Variants in STEAP3 observed in about 807,000 individuals in gnomAD.
STEAP3 encodes metalloreductase STEAP3.
STEAP3 carries 35 observed loss-of-function variants against 34.9 expected under a neutral mutation model. The ratio of observed to expected loss-of-function variants is 1.00; its 90% confidence interval spans 0.76 to 1.33. The LOEUF is 1.33. Ranked by LOEUF, STEAP3 falls within the 40% of genes most tolerant of loss-of-function variation. The probability of loss-of-function intolerance (pLI) is 0.00; values close to 1 mark genes in which losing one functional copy is unlikely to be tolerated. For synonymous variants in STEAP3, 281 were observed against 301.6 expected (o/e 0.93, Z 0.71); for missense variants, 652 against 667.6 (o/e 0.98, Z 0.26).
chr2:119,249,784 C>T (rs541199972), intron 4 of STEAP3, among the ~76,000 whole-genome samples: 5 of 152,290 alleles, frequency 3.3e-5, no homozygotes, highest in South Asian at 4.1e-4. Context: ...CCACAGATAC[C>T]GGCATCATTG....
chr2:119,246,879 A>G (rs1022812644), intron 3 of STEAP3: 1 of 152,166 alleles, frequency 6.6e-6, no homozygotes, highest in African/African-American at 2.4e-5. Flanking sequence ...CTGAGGGAAC[A>G]ATCTGAAAAG....
In STEAP3 at chr2:119,263,228, T is replaced by C; in HGVS notation, c.1387T>C (p.Cys463Arg). 1.2e-6 allele frequency: 2 copies of C among 1,614,102 alleles called. No individual in the cohort carries two copies. The highest frequency in any genetic ancestry group is 1.7e-6 in the Non-Finnish European group (2 of 1,180,032). Residue 463 changes from cysteine to arginine, a missense_variant, in exon 6 of 6, where the codon TGC (cysteine) becomes CGC (arginine). By Grantham distance (180) the Cys-to-Arg change is radical. Transcript: ENST00000393110. ...ILAKALFLLP[C>R]ISRRLARIRR... ...GGCCAAAGCCCTGTTTCTCCTGCCC[T>C]GCATCAGCCGCAGACTCGCCAGGAT...
At chr2:119,257,125 T>C (rs907343953) in intron 5 of STEAP3, among the ~76,000 whole-genome samples, 4 of 152,122 alleles carry the variant, frequency 2.6e-5, no homozygotes, top group African/African-American at 9.7e-5. Flanking sequence ...TGCAATTGAT[T>C]CCATGGATCA....
chr2:119,226,391 G>A (rs756608297), intron 1 of STEAP3, among the ~76,000 whole-genome samples: 12 of 152,198 alleles, frequency 7.9e-5, no homozygotes, highest in Non-Finnish European at 1.6e-4. Context: ...CCAGGGAGTT[G>A]CCTCTTGATT....
intron 1 of STEAP3, among the ~76,000 whole-genome samples, chr2:119,228,262 A>G (rs1209961660): frequency 6.6e-6 from 1 of 152,028 alleles, no homozygotes; most frequent in East Asian, 1.9e-4. Flanking sequence ...CTGAAGGTGA[A>G]CTCTGGGTGC....
chr2:119,262,947 T>G (rs1314508202), intron 5 of STEAP3, 110 bp from the exon 6 acceptor site: 2 of 1,465,036 alleles, frequency 1.4e-6, no homozygotes, highest in African/African-American at 2.8e-5. Flanking sequence ...TAGCGGTGAG[T>G]ACTAAAGCCA....
intron 4 of STEAP3, among the ~76,000 whole-genome samples, chr2:119,253,024 G>A (rs1677671229): frequency 6.6e-6 from 1 of 152,240 alleles, no homozygotes; most frequent in South Asian, 2.1e-4. Flanking sequence ...CTCAATTCAT[G>A]CTGTGAGGTG....
chr2:119,234,291 A>G (rs1417331746), intron 2 of STEAP3, among the ~76,000 whole-genome samples: 2 of 152,254 alleles, frequency 1.3e-5, no homozygotes, highest in African/African-American at 4.8e-5. Context: ...AAGACCCACC[A>G]GTCCCAGGGT....
At position 119,238,668 on chromosome 2, in the gene STEAP3, A is replaced by T. The variant is rs147018884; in HGVS notation, c.23-6821A>T. ...GGGGGGCTTTAAGAGGTGAGCAGGC[A>T]GACAGACAGCGCCCACAAAGTCCTG... is the stretch of plus-strand genomic sequence containing the variant. On this transcript the variant is annotated intron_variant, in intron 2 of 5. Transcript: ENST00000393110. 1.9e-3 allele frequency among the ~76,000 whole-genome samples: 289 copies of T among 152,332 alleles called. 2 individuals are homozygous for T. Among genetic ancestry groups the T allele is most frequent in the African/African-American group, 6.6e-3 (276 of 41,578 alleles).
At chr2:119,257,634 T>C in intron 5 of STEAP3, 1 of 1,482,462 alleles carries the variant, frequency 6.7e-7, no homozygotes, top group Non-Finnish European at 9.0e-7. Context: ...GGATTTGAGC[T>C]GGACACGTTA....
At position 119,245,413 on chromosome 2, in the gene STEAP3, T is replaced by C. The variant is rs1428199100; in HGVS notation, c.23-76T>C. ...ATGTCTGACTGCCGTGTAGTTACGATGTATAAGAGGAGGGAGGTGGCAGAA... is the reference window on the plus strand; with the variant it reads ...ATGTCTGACTGCCGTGTAGTTACGACGTATAAGAGGAGGGAGGTGGCAGAA... On this transcript the variant is annotated intron_variant, in intron 2 of 5. Coordinates refer to ENST00000393110, the MANE Select transcript of STEAP3 (RefSeq NM_182915.3). 8 of 1,511,712 alleles carry C rather than the reference T, an allele frequency of 5.3e-6. No homozygotes were observed. The East Asian group carries it at 9.1e-5, about 17-fold the overall frequency. The allele number at this position is 1,511,712 out of a possible 1,614,324, so 93.6% of individuals were successfully genotyped here. A position where few individuals can be genotyped will look rare whatever the true frequency, so the allele number is the denominator to read the frequency against.
Position 119,230,899 on chromosome 2 carries a change from A to T in STEAP3, c.-114A>T. 6.9e-7 allele frequency: 1 copy of T among 1,451,174 alleles called. No individual in the cohort carries two copies. Among genetic ancestry groups the T allele is most frequent in the Non-Finnish European group, 9.7e-7 (1 of 1,034,482 alleles). The allele number at this position is 1,451,174 out of a possible 1,614,324, so 89.9% of individuals were successfully genotyped here. On this transcript the variant is annotated 5_prime_UTR_variant, in exon 2 of 6. Coordinates refer to ENST00000393110, the MANE Select transcript of STEAP3 (RefSeq NM_182915.3). ...AGGGCCCTCGCCTCCTGAGAAACCG[A>T]GAGTCAGAACCAAAGCCAGGCTGTC...
chr2:119,240,347 G>A (rs1677211037), intron 2 of STEAP3, among the ~76,000 whole-genome samples: 1 of 152,236 alleles, frequency 6.6e-6, no homozygotes, highest in Non-Finnish European at 1.5e-5. Context: ...CCCGTTCTTG[G>A]CCTGCAGGCC....
rs776629232 is a variant in STEAP3 at position 119,263,312 on chromosome 2, C to T, written c.1471C>T (p.Leu491=). ...IKFTLPTDHA[L]AEKTSHV ...GTTCACGCTGCCCACAGACCACGCCCTGGCCGAGAAGACGAGCCACGTATG... is the reference window on the plus strand; with the variant it reads ...GTTCACGCTGCCCACAGACCACGCCTTGGCCGAGAAGACGAGCCACGTATG... The change falls in exon 6 of 6, where the codon CTG becomes TTG. Residue 491 remains leucine, a synonymous_variant. Coordinates refer to ENST00000393110, the MANE Select transcript of STEAP3 (RefSeq NM_182915.3). 3 of 1,613,404 alleles carry T rather than the reference C, an allele frequency of 1.9e-6. No homozygotes were observed. The East Asian group carries it at 6.7e-5, about 36-fold the overall frequency.
intron 2 of STEAP3, among the ~76,000 whole-genome samples, chr2:119,237,509 C>T (rs1369812458): frequency 6.6e-6 from 1 of 152,178 alleles, no homozygotes; most frequent in African/African-American, 2.4e-5. Flanking sequence ...CCAAACACCT[C>T]TTATTAGGTG....
chr2:119,262,127 G>A (rs778872850), intron 5 of STEAP3, among the ~76,000 whole-genome samples: 1 of 152,126 alleles, frequency 6.6e-6, no homozygotes, highest in Non-Finnish European at 1.5e-5. Flanking sequence ...CAGGCCCCGT[G>A]AGTCCCCTTC....
chr2:119,263,802 G>C lies in STEAP3; in HGVS notation c.*464G>C. Reference sequence around the variant, plus strand: ...CTCTTGCAGAGCTAGGGCTCTGAAGGGGAGGGAAGGCAACGGCTCTGCCCA... The same window carrying C: ...CTCTTGCAGAGCTAGGGCTCTGAAGCGGAGGGAAGGCAACGGCTCTGCCCA... On this transcript the variant is annotated 3_prime_UTR_variant, in exon 6 of 6. Coordinates refer to ENST00000393110, the MANE Select transcript of STEAP3 (RefSeq NM_182915.3). The C allele has an allele frequency of 3.6e-6, 1 of 280,544 alleles. No individual in the cohort carries two copies. Among genetic ancestry groups the C allele is most frequent in the Non-Finnish European group, 6.9e-6 (1 of 144,812 alleles). 17.4% of individuals were successfully genotyped at this position (280,544 alleles called of 1,614,324 possible). A position where few individuals can be genotyped will look rare whatever the true frequency, so the allele number is the denominator to read the frequency against.
In STEAP3 at chr2:119,247,896, A is replaced by G. The variant is rs761485248; in HGVS notation, c.740A>G (p.Gln247Arg). ...TACAACTTCGTCCGGGACGTTCTGC[A>G]GCCCTATGTGCAGGAAAGCCAGAAC... ...YAYNFVRDVLQPYVQESQNKF... is the reference protein window; with the variant it reads ...YAYNFVRDVLRPYVQESQNKF... Residue 247 changes from glutamine to arginine, a missense_variant, in exon 4 of 6, where the codon CAG (glutamine) becomes CGG (arginine). Physicochemically the swap from Gln to Arg is conservative, Grantham distance 43. Coordinates refer to ENST00000393110, the MANE Select transcript of STEAP3 (RefSeq NM_182915.3). 6.2e-7 allele frequency: 1 copy of G among 1,613,920 alleles called. No individual in the cohort carries two copies. Among genetic ancestry groups the G allele is most frequent in the South Asian group, 1.1e-5 (1 of 91,090 alleles).
intron 1 of STEAP3, among the ~76,000 whole-genome samples, chr2:119,226,913 C>A (rs1437353883): frequency 6.6e-6 from 1 of 152,148 alleles, no homozygotes; most frequent in Non-Finnish European, 1.5e-5. Context: ...TCCATATGGA[C>A]CCCAACCTCT....
Sources: allele counts gnomAD v4.1 joint callset (sites outside exome capture counted in the v4.1 genomes callset), GRCh38; gene constraint gnomAD v4.1.1; transcripts MANE v1.5; gene names NCBI Gene and HGNC (gene_info 2026-07-23, HGNC 2026-07-21).